The following GEN1 variants were observed in gnomAD, a reference collection of about 807,000 sequenced individuals.
GEN1 encodes flap endonuclease GEN homolog 1.
In GEN1, 64 loss-of-function variants were observed where a neutral mutation model predicts 67.6. That is an observed-to-expected ratio of 0.95 (90% CI 0.77 to 1.17). GEN1 has a LOEUF of 1.17. GEN1 is among the 50% of genes most tolerant of loss of function. The pLI is 0.00. For missense variants in GEN1, 1,058 were observed against 1,048.3 expected, an observed-to-expected ratio of 1.01 and a Z score of -0.13; for synonymous variants, 371 against 359.4, an observed-to-expected ratio of 1.03 and a Z score of -0.37.
chr2:17,770,727 A>G (rs957194446), intron 6 of GEN1, among the ~76,000 whole-genome samples: 9 of 152,052 alleles, frequency 5.9e-5, no homozygotes, highest in Non-Finnish European at 1.3e-4. Flanking sequence ...TTTTTGATAC[A>G]GTTTTCACCC....
chr2:17,755,375 A>C (rs994787198), intron 1 of GEN1: 1 of 152,222 alleles, frequency 6.6e-6, no homozygotes, highest in African/African-American at 2.4e-5. Flanking sequence ...TAAGGTCTTT[A>C]AATGCAGGGC....
chr2:17,771,608 T>C (rs1315079844), intron 7 of GEN1, among the ~76,000 whole-genome samples: 2 of 152,124 alleles, frequency 1.3e-5, no homozygotes, highest in Admixed American at 6.6e-5. Context: ...CTAATAAGTC[T>C]TAGGGAAAAT....
At chr2:17,760,832 A>C (rs1178471941) in intron 2 of GEN1, among the ~76,000 whole-genome samples, 1 of 151,818 alleles carries the variant, frequency 6.6e-6, no homozygotes, top group Non-Finnish European at 1.5e-5. Context: ...TGAGGCAGGA[A>C]AATCACTTGA....
chr2:17,765,047 T>C lies in GEN1; in HGVS notation c.499T>C (p.Tyr167His). 1 of 1,614,132 alleles carries C rather than the reference T, an allele frequency of 6.2e-7. No homozygotes were observed. Among genetic ancestry groups the C allele is most frequent in the South Asian group, 1.1e-5 (1 of 91,070 alleles). ...DTFLYGAQTVYRNFTMNTKDP... is the reference protein window; with the variant it reads ...DTFLYGAQTVHRNFTMNTKDP... ...TTTCCTTTATGGGGCCCAGACTGTT[T>C]ACAGGAATTTCACTATGAATACAAA... The change falls in exon 4 of 14, where the codon TAC becomes CAC. Residue 167 changes from tyrosine (Y) to histidine (H), a missense_variant. Coordinates refer to ENST00000381254, the MANE Select transcript of GEN1 (RefSeq NM_001130009.3).
chr2:17,772,260 TAAGTA>T (rs1229815829), intron 7 of GEN1, among the ~76,000 whole-genome samples: 6 of 152,132 alleles, frequency 3.9e-5, no homozygotes, highest in Non-Finnish European at 8.8e-5. Flanking sequence ...GCTATTCTAT[TAAGTA>T]AATAATCTTT....
At chr2:17,762,442 C>G (rs189033577) in intron 3 of GEN1, among the ~76,000 whole-genome samples, 1 of 151,878 alleles carries the variant, frequency 6.6e-6, no homozygotes, top group African/African-American at 2.4e-5. Context: ...CTCCTGACTT[C>G]GTGATCCGCC....
rs1276890864 is a variant in GEN1 at position 17,785,035 on chromosome 2, T to C, written c.*3096T>C. ...GATCAGCGGTGGCATTAGAGTCTCA[T>C]AGGAGCATGAACCCTATTGTGAACT... is the stretch of plus-strand genomic sequence containing the variant. On this transcript the variant is annotated 3_prime_UTR_variant, in exon 14 of 14. Transcript: ENST00000381254. 1 of 152,174 alleles carries C rather than the reference T, an allele frequency of 6.6e-6. No homozygotes were observed. The highest frequency in any genetic ancestry group is 2.1e-4 in the South Asian group (1 of 4,820). 9.4% of individuals were successfully genotyped at this position (152,174 alleles called of 1,614,324 possible). A position where few individuals can be genotyped will look rare whatever the true frequency, so the allele number is the denominator to read the frequency against.
rs778264251 is a variant in GEN1, at chr2:17,760,088, A to G, written c.145A>G (p.Met49Val). The G allele has an allele frequency of 2.5e-6, 4 of 1,614,034 alleles. No individual in the cohort carries two copies. Among genetic ancestry groups the G allele is most frequent in the East Asian group, 4.5e-5 (2 of 44,890 alleles). ...AGTCAAAAAAATGATGGGCAGCGTC[A>G]TGAAGCCCCACCTCAGGTATAGTAA... is the stretch of plus-strand genomic sequence containing the variant. Reference protein sequence around the residue: ...QTVKKMMGSVMKPHLRNLFFR... With the variant: ...QTVKKMMGSVVKPHLRNLFFR... Residue 49 changes from methionine to valine, a missense_variant, in exon 2 of 14, where the codon ATG becomes GTG. Physicochemically the swap from Met to Val is conservative, Grantham distance 21 (BLOSUM62 1). Coordinates refer to ENST00000381254, the MANE Select transcript of GEN1 (RefSeq NM_001130009.3).
At chr2:17,771,816 G>C (rs758946487) in intron 7 of GEN1, among the ~76,000 whole-genome samples, 5 of 149,682 alleles carry the variant, frequency 3.3e-5, no homozygotes, top group Non-Finnish European at 5.9e-5. Context: ...TACGGAACAC[G>C]TACTGGATCA....
In GEN1 at chr2:17,785,068, C is replaced by A. The variant is rs1018233319; in HGVS notation, c.*3129C>A. ...TGAACCCTATTGTGAACTACGCATG[C>A]GAGGATCTAGTTTGTGCACTCCTAC... is the stretch of plus-strand genomic sequence containing the variant. On this transcript the variant is annotated 3_prime_UTR_variant, in exon 14 of 14. Coordinates refer to ENST00000381254, the MANE Select transcript of GEN1 (RefSeq NM_001130009.3). 3 of 152,130 alleles carry A rather than the reference C, an allele frequency of 2.0e-5. No homozygotes were observed. Among genetic ancestry groups the A allele is most frequent in the Non-Finnish European group, 4.4e-5 (3 of 68,038 alleles). 9.4% of individuals were successfully genotyped at this position (152,130 alleles called of 1,614,324 possible).
In GEN1 at chr2:17,781,593, GTGTT is replaced by G. The variant is rs753562713; in HGVS notation, c.2384_2387del (p.Val795AlafsTer25). 5 of 1,613,980 alleles carry G rather than the reference GTGTT, an allele frequency of 3.1e-6. No individual in the cohort carries two copies. The South Asian group carries it at 4.4e-5, about 14-fold the overall frequency. ...ACTCGGAAAATTTTAATGAAGAAGA[GTGTT>G]TGCCTTGACAGACATTCCTCTGATG... is the stretch of plus-strand genomic sequence containing the variant. On this transcript the variant is annotated frameshift_variant, in exon 14 of 14. Transcript: ENST00000381254. LOFTEE classifies it low-confidence loss of function (END_TRUNC).
At position 17,778,347 on chromosome 2, in the gene GEN1, CATGTGTGT is replaced by C. The variant is rs1394862921; in HGVS notation, c.1264+286_1264+293del. Among the ~76,000 whole-genome samples, 61 of 35,148 alleles carry C rather than the reference CATGTGTGT, an allele frequency of 1.7e-3. 5 individuals carry two copies. Among genetic ancestry groups the C allele is most frequent in the African/African-American group, 4.3e-3 (57 of 13,322 alleles). 23.1% of individuals were successfully genotyped at this position (35,148 alleles called of 152,430 possible). A position where few individuals can be genotyped will look rare whatever the true frequency, so the allele number is the denominator to read the frequency against. On this transcript the variant is annotated intron_variant, in intron 12 of 13. Coordinates refer to ENST00000381254, the MANE Select transcript of GEN1 (RefSeq NM_001130009.3). ...ACGTGTACATATATGTATACACACA[CATGTGTGT>C]ACATATATGTATATACACACACATA...
At chr2:17,779,376 CA>C (rs766297343) in intron 12 of GEN1, among the ~76,000 whole-genome samples, 20 of 152,188 alleles carry the variant, frequency 1.3e-4, no homozygotes, top group Non-Finnish European at 2.4e-4. Context: ...CTTACCTAAA[CA>C]AAGTTTTCTG....
intron 11 of GEN1, among the ~76,000 whole-genome samples, chr2:17,776,737 ATT>A (rs1420555404): frequency 2.0e-5 from 3 of 152,238 alleles, no homozygotes; most frequent in African/African-American, 7.2e-5. Flanking sequence ...AGTAAAAATA[ATT>A]TACAACCTTG....
rs1465378090 is a variant in GEN1 at position 17,778,373 on chromosome 2, CACACAT to C, written c.1264+312_1264+317del. On this transcript the variant is annotated intron_variant, in intron 12 of 13. Coordinates refer to ENST00000381254, the MANE Select transcript of GEN1 (RefSeq NM_001130009.3). Reference sequence around the variant, plus strand: ...ATGTGTGTACATATATGTATATACACACACATATATGTGTGTACATATATGTATATA... The same window carrying C: ...ATGTGTGTACATATATGTATATACACATATGTGTGTACATATATGTATATA... 6.7e-5 allele frequency among the ~76,000 whole-genome samples: 3 copies of C among 44,524 alleles called. 1 individual carries two copies. The highest frequency in any genetic ancestry group is 2.4e-4 in the African/African-American group (3 of 12,322). 29.2% of individuals were successfully genotyped at this position (44,524 alleles called of 152,430 possible). A position where few individuals can be genotyped will look rare whatever the true frequency, so the allele number is the denominator to read the frequency against.
In GEN1 at chr2:17,788,442, G is replaced by A. The variant is rs185686212; in HGVS notation, c.*6503G>A. The A allele has an allele frequency of 3.9e-5, 6 of 152,328 alleles. No individual in the cohort carries two copies. Among genetic ancestry groups the A allele is most frequent in the African/African-American group, 1.4e-4 (6 of 41,574 alleles). 9.4% of individuals were successfully genotyped at this position (152,328 alleles called of 1,614,324 possible). On this transcript the variant is annotated 3_prime_UTR_variant, in exon 14 of 14. Transcript: ENST00000381254. ...ACTAAGTTGCCTGTTTGGCAATGGAGGGCAGAGTTATCAGCAAAGTAGGCT... is the reference window on the plus strand; with the variant it reads ...ACTAAGTTGCCTGTTTGGCAATGGAAGGCAGAGTTATCAGCAAAGTAGGCT...
At chr2:17,775,496 A>C (rs1179898005) in intron 11 of GEN1, among the ~76,000 whole-genome samples, 1 of 152,248 alleles carries the variant, frequency 6.6e-6, no homozygotes, top group African/African-American at 2.4e-5. Flanking sequence ...TAGTTATACT[A>C]CAAATTATAG....
chr2:17,781,875 G>T lies in GEN1; in HGVS notation c.2663G>T (p.Gly888Val), dbSNP rs1377505476. The T allele has an allele frequency of 1.9e-6, 3 of 1,597,098 alleles. No individual in the cohort carries two copies. The highest frequency in any genetic ancestry group is 2.6e-6 in the Non-Finnish European group (3 of 1,175,514). Residue 888 changes from glycine (G) to valine (V), a missense_variant, in exon 14 of 14, where the codon GGT becomes GTT. By Grantham distance (109) the Gly-to-Val change is moderately radical. Coordinates refer to ENST00000381254, the MANE Select transcript of GEN1 (RefSeq NM_001130009.3). Reference protein sequence around the residue: ...LQCHKKENNSGTCLDSPLPLR... With the variant: ...LQCHKKENNSVTCLDSPLPLR... Reference sequence around the variant, plus strand: ...TGTCATAAGAAAGAAAACAACTCTGGTACTTGTTTGGATAGCCCTCTTCCT... The same window carrying T: ...TGTCATAAGAAAGAAAACAACTCTGTTACTTGTTTGGATAGCCCTCTTCCT...
chr2:17,766,032 G>GA (rs1671915231), intron 4 of GEN1, among the ~76,000 whole-genome samples: 1 of 151,656 alleles, frequency 6.6e-6, no homozygotes, highest in South Asian at 2.1e-4. Flanking sequence ...CAATAAAATG[G>GA]AAAAAATTGG....
Sources: allele counts gnomAD v4.1 joint callset (sites outside exome capture counted in the v4.1 genomes callset), GRCh38; gene constraint gnomAD v4.1.1; transcripts MANE v1.5; gene names NCBI Gene and HGNC (gene_info 2026-07-23, HGNC 2026-07-21).